The following GLRA2 variants were observed in gnomAD, a reference collection of about 807,000 sequenced individuals.
GLRA2 encodes the protein glycine receptor subunit alpha-2.
In GLRA2, 11 loss-of-function variants were observed where a neutral mutation model predicts 31.6. That is an observed-to-expected ratio of 0.35 (90% CI 0.22 to 0.58). GLRA2 has a LOEUF of 0.58. Among genes scored for constraint, GLRA2 ranks in the 20% least tolerant of loss-of-function variants. The pLI, the probability that GLRA2 is intolerant of heterozygous loss-of-function variation, is 0.84. For synonymous variants in GLRA2, 132 were observed against 134.0 expected (o/e 0.99, Z 0.10); for missense variants, 212 against 351.8 (o/e 0.60, Z 3.18).
At chrX:14,593,624 C>T (rs1000195124) in intron 4 of GLRA2, among the ~76,000 whole-genome samples, 4 of 112,493 alleles carry the variant, frequency 3.6e-5, no homozygotes, top group Admixed American at 9.4e-5. Context: ...TCCAATTTTA[C>T]TAAATGACCA....
intron 7 of GLRA2, among the ~76,000 whole-genome samples, chrX:14,613,799 T>C (rs1254655291): frequency 2.7e-5 from 3 of 110,936 alleles, no homozygotes; most frequent in Admixed American, 9.7e-5. Context: ...TATGAGTCAA[T>C]TTTTCCCCAC....
chrX:14,457,219 T>A, the GLRA2 span, among the ~76,000 whole-genome samples: 1 of 112,161 alleles, frequency 8.9e-6, no homozygotes, highest in Non-Finnish European at 1.9e-5. Flanking sequence ...TTAAAAATTA[T>A]ACTTTAAGTT....
intron 4 of GLRA2, among the ~76,000 whole-genome samples, chrX:14,593,918 G>C (rs746167391): frequency 8.9e-6 from 1 of 112,841 alleles, no homozygotes; most frequent in African/African-American, 3.2e-5. Context: ...GGTGACAGTT[G>C]CATCTACTTT....
chrX:14,629,371 T>A (rs2090620582), intron 7 of GLRA2, among the ~76,000 whole-genome samples: 1 of 111,640 alleles, frequency 9.0e-6, no homozygotes, highest in African/African-American at 3.3e-5. Context: ...GAAGCATACT[T>A]CCCCATTTAG....
At chrX:14,599,226 T>G (rs1388832943) in intron 4 of GLRA2, among the ~76,000 whole-genome samples, 1 of 112,359 alleles carries the variant, frequency 8.9e-6, no homozygotes, top group East Asian at 2.8e-4. Flanking sequence ...ACAATAATGC[T>G]TCAGGAAATG....
intron 7 of GLRA2, among the ~76,000 whole-genome samples, chrX:14,675,485 T>A (rs966190267): frequency 1.8e-5 from 2 of 111,948 alleles, no homozygotes; most frequent in African/African-American, 6.5e-5. Context: ...AATTGGGTGG[T>A]TCCTGCAGAT....
intron 7 of GLRA2, among the ~76,000 whole-genome samples, chrX:14,625,935 C>G (rs2090583750): frequency 8.9e-6 from 1 of 111,999 alleles, no homozygotes; most frequent in Non-Finnish European, 1.9e-5. Flanking sequence ...AAATACCTTG[C>G]TCAAGGTCAT....
the GLRA2 span, among the ~76,000 whole-genome samples, chrX:14,504,393 T>C: frequency 3.6e-5 from 4 of 110,928 alleles, no homozygotes; most frequent in Admixed American, 3.8e-4. Flanking sequence ...AGACACAGAG[T>C]TGAGCCAAAC....
chrX:14,664,385 CT>C (rs1265060618), intron 7 of GLRA2, among the ~76,000 whole-genome samples: 2 of 111,924 alleles, frequency 1.8e-5, no homozygotes, highest in African/African-American at 3.2e-5. Flanking sequence ...TTGAGATTGT[CT>C]TTGCAGTCTA....
intron 7 of GLRA2, among the ~76,000 whole-genome samples, chrX:14,640,872 A>AAT (rs770432022): frequency 1.8e-3 from 197 of 108,384 alleles, no homozygotes; most frequent in African/African-American, 4.5e-3. Flanking sequence ...TTATCTTGAC[A>AAT]ATATATATAT....
the GLRA2 span, among the ~76,000 whole-genome samples, chrX:14,523,303 TG>T: frequency 1.8e-5 from 2 of 111,808 alleles, no homozygotes; most frequent in Non-Finnish European, 3.8e-5. Context: ...AAAGAGGTGT[TG>T]GGGGCCTTGC....
intron 2 of GLRA2, among the ~76,000 whole-genome samples, chrX:14,559,419 CTTTTTTTTTTTTTTT>C (rs753470377): frequency 8.2e-5 from 4 of 48,589 alleles, no homozygotes; most frequent in African/African-American, 1.1e-4. Flanking sequence ...GGGGCCATTT[CTTTTTTTTTTTTTTT>C]TTTTTTTTTT....
chrX:14,494,516 T>G, the GLRA2 span, among the ~76,000 whole-genome samples: 10 of 111,427 alleles, frequency 9.0e-5, no homozygotes, highest in East Asian at 2.8e-3. Context: ...TTTTCTGAGT[T>G]GAAAGAGTCT....
rs1045804534 is a variant in GLRA2, at chrX:14,531,092, A to AATC, written c.68+986_68+988dup. ...AAAAATATAGGCTGGTTTTTATTAG[A>AATC]ATCATCATCATCATCATCATCCTCA... On this transcript the variant is annotated intron_variant, in intron 1 of 8. Coordinates refer to ENST00000218075, the MANE Select transcript of GLRA2 (RefSeq NM_002063.4). 78 of 939,277 alleles carry AATC rather than the reference A, an allele frequency of 8.3e-5. No homozygotes were observed. The South Asian group carries it at 1.1e-3, about 13-fold the overall frequency. 77.4% of individuals were successfully genotyped at this position (939,277 alleles called of 1,213,427 possible).
intron 8 of GLRA2, among the ~76,000 whole-genome samples, chrX:14,717,373 G>C (rs1275025772): frequency 9.3e-6 from 1 of 107,350 alleles, no homozygotes; most frequent in African/African-American, 3.4e-5. Flanking sequence ...TAGATATCAA[G>C]TCCTTTACCT....
At chrX:14,572,843 G>T (rs773429619) in intron 2 of GLRA2, among the ~76,000 whole-genome samples, 20 of 111,885 alleles carry the variant, frequency 1.8e-4, no homozygotes, top group Admixed American at 9.5e-5. Context: ...GGTGAAAGAA[G>T]AGAAAAACAC....
chrX:14,707,328 C>A (rs1488565581), intron 8 of GLRA2, among the ~76,000 whole-genome samples: 1 of 111,558 alleles, frequency 9.0e-6, no homozygotes, highest in Non-Finnish European at 1.9e-5. Context: ...TCAGTTTCTT[C>A]ATCTGTAGAA....
rs7892833 is a variant in GLRA2, at chrX:14,646,921, G to A, written c.930+37716G>A. On this transcript the variant is annotated intron_variant, in intron 7 of 8. Transcript: ENST00000218075. ...TCCCTTCTTGCCGTATGTGTCCCAG[G>A]ACCTTGTAAAAGACAGTGACAACCA... Among the ~76,000 whole-genome samples, 349 of 111,822 alleles carry A rather than the reference G, an allele frequency of 3.1e-3. 1 individual carries two copies. The highest frequency in any genetic ancestry group is 0.011 in the African/African-American group (335 of 30,788).
chrX:14,623,048 T>A (rs756143804), intron 7 of GLRA2, among the ~76,000 whole-genome samples: 14 of 111,875 alleles, frequency 1.3e-4, no homozygotes, highest in African/African-American at 4.5e-4. Context: ...GTAGTTCTCC[T>A]TGAACAGGTC....
Sources: allele counts gnomAD v4.1 joint callset (sites outside exome capture counted in the v4.1 genomes callset), GRCh38; gene constraint gnomAD v4.1.1; transcripts MANE v1.5; gene names NCBI Gene and HGNC (gene_info 2026-07-23, HGNC 2026-07-21).